GRM7: variants seen among roughly 807,000 people sequenced by gnomAD.
GRM7 encodes metabotropic glutamate receptor 7.
A neutral mutation model predicts 84.5 loss-of-function variants in GRM7; 35 were observed. That is an observed-to-expected ratio of 0.41 (90% CI 0.32 to 0.55). The LOEUF (loss-of-function observed/expected upper bound fraction) is 0.55. GRM7 is among the 20% of genes least tolerant of loss of function. The pLI, the probability that GRM7 is intolerant of heterozygous loss-of-function variation, is 0.19. For synonymous variants in GRM7, 487 were observed against 455.1 expected (o/e 1.07, Z -0.89); for missense variants, 1,003 against 1,194.6 (o/e 0.84, Z 2.36).
chr3:7,442,964 C>A (rs712784), intron 5 of GRM7, among the ~76,000 whole-genome samples: 110,993 of 151,142 alleles, frequency 0.73, 40,869 homozygotes, highest in Non-Finnish European at 0.75. Flanking sequence ...TGCCTCCCCC[C>A]CATACCCTCC....
intron 8 of GRM7, among the ~76,000 whole-genome samples, chr3:7,647,808 G>T (rs1306585956): frequency 8.2e-6 from 1 of 121,296 alleles, no homozygotes; most frequent in Non-Finnish European, 1.8e-5. Context: ...CACTTGAGCA[G>T]ATGGTCTTGC....
At chr3:7,009,917 A>C (rs936286039) in intron 1 of GRM7, among the ~76,000 whole-genome samples, 5 of 152,162 alleles carry the variant, frequency 3.3e-5, no homozygotes, top group African/African-American at 4.8e-5. Context: ...AAATGTTAAG[A>C]CCCAAGAAGA....
At chr3:7,628,669 T>C (rs2125094335) in intron 8 of GRM7, among the ~76,000 whole-genome samples, 1 of 152,256 alleles carries the variant, frequency 6.6e-6, no homozygotes, top group African/African-American at 2.4e-5. Context: ...AAAGCCTTCC[T>C]AGATGAGGAG....
intron 8 of GRM7, among the ~76,000 whole-genome samples, chr3:7,586,172 G>A (rs1695508428): frequency 1.3e-5 from 2 of 152,190 alleles, no homozygotes; most frequent in African/African-American, 4.8e-5. Context: ...AAAGACTGAT[G>A]ATGCAAGATG....
intron 1 of GRM7, among the ~76,000 whole-genome samples, chr3:7,071,597 G>A (rs545167302): frequency 5.3e-5 from 8 of 152,138 alleles, no homozygotes; most frequent in African/African-American, 1.7e-4. Flanking sequence ...ACTGAGGATA[G>A]AAAGATGTGT....
intron 1 of GRM7, among the ~76,000 whole-genome samples, chr3:6,946,024 A>C (rs1408188584): frequency 6.6e-6 from 1 of 152,144 alleles, no homozygotes; most frequent in African/African-American, 2.4e-5. Flanking sequence ...GTTCACTATG[A>C]CAGTGATTTC....
intron 4 of GRM7, among the ~76,000 whole-genome samples, chr3:7,313,465 T>C (rs1216229266): frequency 6.6e-6 from 1 of 152,236 alleles, no homozygotes; most frequent in African/African-American, 2.4e-5. Context: ...CCTTTTAAGC[T>C]ATATATTTTG....
chr3:7,385,274 CTT>C lies in GRM7; in HGVS notation c.1034-29748_1034-29747del, dbSNP rs368236856. 5.3e-3 allele frequency among the ~76,000 whole-genome samples: 616 copies of C among 115,218 alleles called. 3 individuals carry two copies. Among genetic ancestry groups the C allele is most frequent in the African/African-American group, 0.017 (567 of 32,764 alleles). The allele number at this position is 115,218 out of a possible 152,430, so 75.6% of individuals were successfully genotyped here. On this transcript the variant is annotated intron_variant, in intron 4 of 9. Coordinates refer to ENST00000357716, the MANE Select transcript of GRM7 (RefSeq NM_000844.4). ...ATAAAAAAGCACTTATTTGTGGAAT[CTT>C]ATTTCTATATGGATTTTTTTTTTTT...
chr3:7,105,369 G>T (rs1054431112), intron 1 of GRM7, among the ~76,000 whole-genome samples: 1 of 151,856 alleles, frequency 6.6e-6, no homozygotes, highest in East Asian at 1.9e-4. Flanking sequence ...AAAGTTGCAA[G>T]ACATCAGAAG....
At chr3:7,149,264 C>T (rs74608280) in intron 2 of GRM7, among the ~76,000 whole-genome samples, 2,223 of 152,178 alleles carry the variant, frequency 0.015, 47 homozygotes, top group African/African-American at 0.05. Flanking sequence ...CTAGAGAAAA[C>T]ATGAAATTCA....
chr3:7,147,787 C>T (rs1355821991), intron 2 of GRM7, among the ~76,000 whole-genome samples: 1 of 152,130 alleles, frequency 6.6e-6, no homozygotes, highest in African/African-American at 2.4e-5. Context: ...TATTCTCTTC[C>T]TTCTGACTTA....
intron 4 of GRM7, among the ~76,000 whole-genome samples, chr3:7,407,255 G>T (rs113063904): frequency 2.4e-3 from 364 of 152,294 alleles, no homozygotes; most frequent in African/African-American, 7.7e-3. Flanking sequence ...TGTGGAAGCA[G>T]CCTGTGGCCT....
intron 1 of GRM7, among the ~76,000 whole-genome samples, chr3:6,913,381 C>T (rs1267138414): frequency 2.0e-5 from 3 of 152,030 alleles, no homozygotes; most frequent in African/African-American, 7.2e-5. Flanking sequence ...GAGTAATCAA[C>T]TAAAACTAAA....
chr3:7,411,762 C>A (rs1389006187), intron 4 of GRM7, among the ~76,000 whole-genome samples: 1 of 152,142 alleles, frequency 6.6e-6, no homozygotes, highest in Non-Finnish European at 1.5e-5. Flanking sequence ...ACTACACATT[C>A]TTGAATGTAT....
chr3:7,353,430 G>A (rs774112660), intron 4 of GRM7, among the ~76,000 whole-genome samples: 20 of 152,114 alleles, frequency 1.3e-4, no homozygotes, highest in Non-Finnish European at 2.5e-4. Context: ...TGTTGCAGCC[G>A]GGGAAGTTAA....
chr3:7,518,266 G>A (rs1199351248), intron 7 of GRM7, among the ~76,000 whole-genome samples: 2 of 152,180 alleles, frequency 1.3e-5, no homozygotes, highest in Non-Finnish European at 2.9e-5. Context: ...TCAGGGAATT[G>A]TAACTATGAT....
At chr3:7,451,393 C>T (rs566396948) in intron 5 of GRM7, among the ~76,000 whole-genome samples, 1 of 152,218 alleles carries the variant, frequency 6.6e-6, no homozygotes, top group African/African-American at 2.4e-5. Flanking sequence ...TGTTGAATTG[C>T]GACTGAGCGC....
chr3:7,596,889 C>A (rs1335939188), intron 8 of GRM7, among the ~76,000 whole-genome samples: 3 of 151,950 alleles, frequency 2.0e-5, no homozygotes, highest in Non-Finnish European at 4.4e-5. Context: ...AGGGAGGGGG[C>A]CTTTAAATGT....
At chr3:7,041,195 A>T (rs1363272179) in intron 1 of GRM7, among the ~76,000 whole-genome samples, 2 of 152,210 alleles carry the variant, frequency 1.3e-5, no homozygotes, top group African/African-American at 4.8e-5. Flanking sequence ...ATAAAGGTTT[A>T]TCTTGATTCT....
Sources: gnomAD v4.1 joint callset for allele counts (sites outside exome capture counted in the v4.1 genomes callset) on GRCh38, gnomAD v4.1.1 for gene constraint, MANE v1.5 for transcripts, NCBI Gene and HGNC (gene_info 2026-07-23, HGNC 2026-07-21) for gene names.